Variants in GLG1 observed in about 807,000 individuals in gnomAD.
The protein encoded by GLG1 is golgi glycoprotein 1.
In GLG1, 38 loss-of-function variants were observed where a neutral mutation model predicts 160.5. The observed-to-expected ratio is 0.24, with a 90% CI of 0.18 to 0.31. GLG1 has a LOEUF of 0.31. Ranked by LOEUF, GLG1 falls within the 10% of genes least tolerant of loss-of-function variation. GLG1 has a pLI of 1.00. For missense variants in GLG1, 1,373 were observed against 1,505.2 expected (o/e 0.91, Z 1.45); for synonymous variants, 644 against 543.4 (o/e 1.19, Z -2.57).
intron 1 of GLG1, among the ~76,000 whole-genome samples, chr16:74,583,951 G>T (rs572815196): frequency 1.3e-5 from 2 of 152,176 alleles, no homozygotes; most frequent in East Asian, 3.9e-4. Flanking sequence ...ATGAACAAAA[G>T]CACTGTAAAT....
At chr16:74,489,430 C>G (rs1016486332) in intron 8 of GLG1, among the ~76,000 whole-genome samples, 2 of 151,370 alleles carry the variant, frequency 1.3e-5, no homozygotes, top group Non-Finnish European at 2.9e-5. Context: ...GAGGTTGCGC[C>G]ATTACACTCC....
chr16:74,606,448 G>T (rs1958567981), intron 1 of GLG1, among the ~76,000 whole-genome samples: 1 of 152,166 alleles, frequency 6.6e-6, no homozygotes, highest in Non-Finnish European at 1.5e-5. Context: ...CCGGCAACAG[G>T]GAGGGAAATA....
intron 12 of GLG1, among the ~76,000 whole-genome samples, chr16:74,476,585 G>A (rs757925692): frequency 2.6e-5 from 4 of 152,168 alleles, no homozygotes; most frequent in South Asian, 2.1e-4. Flanking sequence ...CTTTAAACAC[G>A]CAGTATTCCT....
intron 1 of GLG1, among the ~76,000 whole-genome samples, chr16:74,551,057 G>C (rs1403466911): frequency 6.6e-6 from 1 of 152,128 alleles, no homozygotes; most frequent in Non-Finnish European, 1.5e-5. Context: ...CCCTAGATTT[G>C]AGCAACTAGG....
In GLG1 at chr16:74,491,212, C is replaced by T. The variant is rs369029664; in HGVS notation, c.1238G>A (p.Arg413Gln). The T allele has an allele frequency of 6.8e-6, 11 of 1,611,294 alleles. No individual in the cohort carries two copies. The highest frequency in any genetic ancestry group is 1.3e-5 in the African/African-American group (1 of 74,854). ...CCCCTGGCACTCACTGCTGACTTGT[C>T]GCCCTAAGTTAGGATGTAAGTCATA... ...MCLESAVHRGRQVSSECQGEM... is the reference protein window; with the variant it reads ...MCLESAVHRGQQVSSECQGEM... The change falls in exon 8 of 26, where the codon CGA (arginine) becomes CAA (glutamine). Residue 413 changes from arginine to glutamine, a missense_variant. By Grantham distance (43) the Arg-to-Gln change is conservative. Around this residue, in one of 4 missense-constraint regions of GLG1, gnomAD observed 386 missense variants for 388.5 expected, o/e 0.99. Transcript: ENST00000422840.
At chr16:74,574,883 CAAAAAAAAAAAAA>C (rs531720341) in intron 1 of GLG1, among the ~76,000 whole-genome samples, 22 of 24,788 alleles carry the variant, frequency 8.9e-4, no homozygotes, top group South Asian at 7.2e-3. Context: ...GACTCTGTCT[CAAAAAAAAAAAAA>C]AAAAAAAAAA....
intron 2 of GLG1, among the ~76,000 whole-genome samples, chr16:74,519,904 C>G (rs1428614419): frequency 6.6e-6 from 1 of 152,148 alleles, no homozygotes; most frequent in Non-Finnish European, 1.5e-5. Context: ...CCTCCCCATA[C>G]AGTTAAATCA....
At chr16:74,559,723 T>C (rs948863844) in intron 1 of GLG1, among the ~76,000 whole-genome samples, 2 of 152,180 alleles carry the variant, frequency 1.3e-5, no homozygotes, top group Non-Finnish European at 2.9e-5. Context: ...CTTCGTATCA[T>C]GTCTCTATTG....
Position 74,462,272 on chromosome 16 carries a change from A to C in GLG1, c.2935-77T>G, listed in dbSNP as rs2303274. The C allele has an allele frequency of 2.0e-4, 171 of 865,634 alleles. 2 individuals carry two copies. The East Asian group carries it at 2.2e-3, about 11-fold the overall frequency. 53.6% of individuals were successfully genotyped at this position (865,634 alleles called of 1,614,324 possible). On this transcript the variant is annotated intron_variant, in intron 21 of 25. Coordinates refer to ENST00000422840, the MANE Select transcript of GLG1 (RefSeq NM_001145667.2). ...CTACAAAAGCAGGACATGAAAAAAA[A>C]AACAAACAACAACAACCACAAGAAC...
intron 1 of GLG1, among the ~76,000 whole-genome samples, chr16:74,546,341 G>C (rs2018045684): frequency 6.6e-6 from 1 of 151,856 alleles, no homozygotes; most frequent in African/African-American, 2.4e-5. Flanking sequence ...TGGGTGGGGG[G>C]CGCTGAGGTG....
At chr16:74,466,379 T>C (rs1322562112) in intron 18 of GLG1, among the ~76,000 whole-genome samples, 1 of 152,224 alleles carries the variant, frequency 6.6e-6, no homozygotes, top group East Asian at 1.9e-4. Flanking sequence ...TTTAAGGTAG[T>C]GAATTAAGTA....
In GLG1 at chr16:74,494,753, T is replaced by G; in HGVS notation, c.1050+7A>C. The stretch of plus-strand genomic sequence containing the variant: ...AAAACATTCATTAGTTTCAAAATAA[T>G]ACTTACCTTTTCACTCATGGATTCT... On this transcript the variant is annotated splice_region_variant and intron_variant, in intron 6 of 25. Coordinates refer to ENST00000422840, the MANE Select transcript of GLG1 (RefSeq NM_001145667.2). The G allele has an allele frequency of 8.1e-7, 1 of 1,232,676 alleles. No individual in the cohort carries two copies. The allele number at this position is 1,232,676 out of a possible 1,614,324, so 76.4% of individuals were successfully genotyped here. A position where few individuals can be genotyped will look rare whatever the true frequency, so the allele number is the denominator to read the frequency against.
At chr16:74,563,387 A>G (rs185459016) in intron 1 of GLG1, 1 of 152,322 alleles carries the variant, frequency 6.6e-6, no homozygotes, top group East Asian at 1.9e-4. Context: ...CTTCATTGTT[A>G]GGTCACTTTT....
intron 1 of GLG1, among the ~76,000 whole-genome samples, chr16:74,546,391 G>A (rs2018047373): frequency 1.3e-5 from 2 of 152,110 alleles, no homozygotes; most frequent in Admixed American, 1.3e-4. Flanking sequence ...ATTGCAGTAA[G>A]CAGAGATCGC....
intron 1 of GLG1, among the ~76,000 whole-genome samples, chr16:74,576,010 G>A (rs1388416347): frequency 1.3e-5 from 2 of 152,016 alleles, no homozygotes; most frequent in African/African-American, 2.4e-5. Flanking sequence ...CACCAGTCTG[G>A]CCAATGTGGT....
intron 2 of GLG1, among the ~76,000 whole-genome samples, chr16:74,522,953 G>A (rs2017217101): frequency 6.6e-6 from 1 of 152,154 alleles, no homozygotes. Flanking sequence ...CAAAGTGCTG[G>A]GATTACAGGC....
Position 74,452,203 on chromosome 16 carries a change from T to C in GLG1, c.*964A>G. On this transcript the variant is annotated 3_prime_UTR_variant, in exon 26 of 26. Coordinates refer to ENST00000422840, the MANE Select transcript of GLG1 (RefSeq NM_001145667.2). ...GACCCACTGCTCCCCACACCCATCT[T>C]CAAGGACCCCTCCCGCCACAGTCCT... The C allele has an allele frequency of 6.5e-7, 1 of 1,546,550 alleles. No individual in the cohort carries two copies. Among genetic ancestry groups the C allele is most frequent in the Middle Eastern group, 1.8e-4 (1 of 5,490 alleles).
At chr16:74,527,873 C>T (rs1450846512) in intron 2 of GLG1, among the ~76,000 whole-genome samples, 3 of 135,270 alleles carry the variant, frequency 2.2e-5, no homozygotes, top group East Asian at 2.3e-4. Context: ...ATTACAGGTG[C>T]GGTGGTTAAT....
rs2014209305 is a variant in GLG1, at chr16:74,449,636, T to G, written c.*3531A>C. ...AGTGACTCACTGTTCCCAAGAAGAG[T>G]AAGGACAGCATGAGACAGCCAAAGG... On this transcript the variant is annotated 3_prime_UTR_variant, in exon 26 of 26. Coordinates refer to ENST00000422840, the MANE Select transcript of GLG1 (RefSeq NM_001145667.2). 6.6e-6 allele frequency: 1 copy of G among 151,954 alleles called. No individual in the cohort carries two copies. Among genetic ancestry groups the G allele is most frequent in the South Asian group, 2.1e-4 (1 of 4,812 alleles). The allele number at this position is 151,954 out of a possible 1,614,324, so 9.4% of individuals were successfully genotyped here. A position where few individuals can be genotyped will look rare whatever the true frequency, so the allele number is the denominator to read the frequency against.
Sources: allele counts gnomAD v4.1 joint callset (sites outside exome capture counted in the v4.1 genomes callset), GRCh38; gene constraint gnomAD v4.1.1; regional missense constraint gnomAD v4.1.1; transcripts MANE v1.5; gene names NCBI Gene and HGNC (gene_info 2026-07-23, HGNC 2026-07-21).